Variants in VPS50 observed in about 807,000 individuals in gnomAD.
VPS50 encodes syndetin.
A neutral mutation model predicts 139.7 loss-of-function variants in VPS50; 70 were observed. The observed-to-expected ratio is 0.50, with a 90% CI of 0.41 to 0.61. VPS50 has a LOEUF of 0.61. Ranked by LOEUF, VPS50 falls within the 20% of genes least tolerant of loss-of-function variation. The pLI is 0.00. For missense variants in VPS50, 921 were observed against 1,133.7 expected (o/e 0.81, Z 2.69); for synonymous variants, 365 against 376.7 (o/e 0.97, Z 0.36).
At chr7:93,354,267 C>T (rs555047012) in intron 26 of VPS50, among the ~76,000 whole-genome samples, 2 of 150,024 alleles carry the variant, frequency 1.3e-5, no homozygotes, top group Non-Finnish European at 1.5e-5. Flanking sequence ...GGCATATGTA[C>T]CCCTGATTTC....
intron 25 of VPS50, 69 bp from the exon 26 acceptor site, chr7:93,353,571 C>T: frequency 6.6e-7 from 1 of 1,504,750 alleles, no homozygotes; most frequent in South Asian, 1.3e-5. Flanking sequence ...TTTATTTAAA[C>T]AATTTTTATG....
chr7:93,298,557 G>A (rs543772345), intron 16 of VPS50, among the ~76,000 whole-genome samples: 1 of 152,214 alleles, frequency 6.6e-6, no homozygotes, highest in East Asian at 1.9e-4. Flanking sequence ...TGGTGTTCCT[G>A]GTGTCTAGGA....
intron 22 of VPS50, among the ~76,000 whole-genome samples, chr7:93,334,629 C>T (rs911137280): frequency 1.3e-5 from 2 of 152,072 alleles, no homozygotes; most frequent in Admixed American, 6.6e-5. Context: ...TATATGCTGC[C>T]GAGTTAGGTT....
intron 21 of VPS50, among the ~76,000 whole-genome samples, chr7:93,325,084 G>C (rs975378426): frequency 3.3e-5 from 5 of 151,950 alleles, no homozygotes; most frequent in African/African-American, 1.2e-4. Flanking sequence ...CATGGTACTG[G>C]TACCAAAACA....
At chr7:93,301,515 G>GC (rs1454438503) in intron 16 of VPS50, among the ~76,000 whole-genome samples, 2 of 151,962 alleles carry the variant, frequency 1.3e-5, no homozygotes, top group Admixed American at 1.3e-4. Flanking sequence ...AGGGTTGACT[G>GC]CGCTTCTTCA....
At chr7:93,247,459 T>A (rs1795190058) in intron 2 of VPS50, among the ~76,000 whole-genome samples, 1 of 151,972 alleles carries the variant, frequency 6.6e-6, no homozygotes, top group Non-Finnish European at 1.5e-5. Context: ...TATTTTTACT[T>A]TTGCTTTGCT....
intron 9 of VPS50, among the ~76,000 whole-genome samples, chr7:93,260,928 G>A (rs1354906323): frequency 1.3e-5 from 2 of 151,820 alleles, no homozygotes; most frequent in South Asian, 2.1e-4. Flanking sequence ...ACTCCACCGC[G>A]CCCAGCTTGA....
chr7:93,342,211 GT>G (rs1171628456), intron 23 of VPS50, among the ~76,000 whole-genome samples: 12 of 152,334 alleles, frequency 7.9e-5, no homozygotes, highest in African/African-American at 2.9e-4. Flanking sequence ...AAAGAAAGTG[GT>G]GACAGACGGC....
intron 3 of VPS50, 101 bp from the exon 4 acceptor site, chr7:93,253,759 G>T: frequency 1.5e-6 from 1 of 655,622 alleles, no homozygotes; most frequent in South Asian, 2.0e-5. Context: ...ACACTGTTTT[G>T]TATGCACAGT....
In VPS50 at chr7:93,356,072, G is replaced by A; in HGVS notation, c.2767G>A (p.Glu923Lys). Reference protein sequence around the residue: ...TENDMERWIKEHREYSTKQLT... With the variant: ...TENDMERWIKKHREYSTKQLT... ...GAATGACATGGAACGGTGGATCAAA[G>A]AGCACAGGGTGAGAGCTGGAAAATA... Residue 923 changes from glutamate (E) to lysine (K), a missense_variant, in exon 27 of 28, where the codon GAG (glutamate) becomes AAG (lysine). Glu to Lys is a moderately conservative substitution (Grantham distance 56). This residue lies in a region of VPS50 where 158 missense variants were observed against 156.3 expected (regional missense o/e 1.01). Transcript: ENST00000305866. 1 of 1,463,688 alleles carries A rather than the reference G, an allele frequency of 6.8e-7. No individual in the cohort carries two copies. Among genetic ancestry groups the A allele is most frequent in the Non-Finnish European group, 9.2e-7 (1 of 1,082,308 alleles). 90.7% of individuals were successfully genotyped at this position (1,463,688 alleles called of 1,614,324 possible).
intron 1 of VPS50, among the ~76,000 whole-genome samples, chr7:93,239,290 C>T (rs1468148122): frequency 2.6e-5 from 4 of 151,976 alleles, no homozygotes; most frequent in Non-Finnish European, 2.9e-5. Context: ...TTCAGAATCC[C>T]TCAGTTGATG....
rs529264736 is a variant in VPS50 at position 93,236,824 on chromosome 7, G to A, written c.34-3042G>A. Among the ~76,000 whole-genome samples, 5 of 150,730 alleles carry A rather than the reference G, an allele frequency of 3.3e-5. No individual in the cohort carries two copies. The East Asian group carries it at 9.8e-4, about 30-fold the overall frequency. ...TTCTTCATTTCTGTTTTGATAAAAG[G>A]AAAGCATTTCTGTCATAATAAAAAT... On this transcript the variant is annotated intron_variant, in intron 1 of 27. Transcript: ENST00000305866.
chr7:93,309,968 G>A (rs533289861), intron 19 of VPS50, among the ~76,000 whole-genome samples: 5 of 151,922 alleles, frequency 3.3e-5, no homozygotes, highest in Admixed American at 6.6e-5. Flanking sequence ...TCAAAAGTGA[G>A]CAATTCACGT....
intron 16 of VPS50, among the ~76,000 whole-genome samples, chr7:93,299,436 A>T (rs1002068935): frequency 6.6e-6 from 1 of 152,190 alleles, no homozygotes; most frequent in African/African-American, 2.4e-5. Context: ...TGAAATATAG[A>T]TCAAGTATGT....
chr7:93,287,401 G>T (rs150771067), intron 12 of VPS50, among the ~76,000 whole-genome samples: 40 of 148,180 alleles, frequency 2.7e-4, no homozygotes, highest in African/African-American at 9.9e-4. Flanking sequence ...ATCCTCAAGA[G>T]ATAACATAAT....
intron 21 of VPS50, among the ~76,000 whole-genome samples, chr7:93,326,345 C>T (rs1393894119): frequency 6.9e-6 from 1 of 145,622 alleles, no homozygotes; most frequent in Admixed American, 6.9e-5. Flanking sequence ...ATACCTAATG[C>T]TAAATGACGA....
intron 21 of VPS50, among the ~76,000 whole-genome samples, chr7:93,326,453 TAA>T (rs746975999): frequency 5.5e-5 from 7 of 127,364 alleles, no homozygotes; most frequent in Non-Finnish European, 8.8e-5. Flanking sequence ...ATAATAATAA[TAA>T]AAAAAAAATA....
chr7:93,343,351 G>A (rs948388049), intron 23 of VPS50, among the ~76,000 whole-genome samples: 6 of 152,180 alleles, frequency 3.9e-5, no homozygotes, highest in Admixed American at 6.5e-5. Flanking sequence ...CCAAATCTAC[G>A]TCTGATTGGT....
intron 21 of VPS50, 157 bp from the exon 22 acceptor site, chr7:93,333,960 C>T (rs1798004523): frequency 2.2e-5 from 13 of 597,676 alleles, no homozygotes; most frequent in South Asian, 2.1e-4. Flanking sequence ...AGATTTGACT[C>T]CTTTGTTTGA....
Sources: gnomAD v4.1 joint callset for allele counts (sites outside exome capture counted in the v4.1 genomes callset) on GRCh38, gnomAD v4.1.1 for gene constraint, gnomAD v4.1.1 regional missense constraint, MANE v1.5 for transcripts, NCBI Gene and HGNC (gene_info 2026-07-23, HGNC 2026-07-21) for gene names.